DYSF: variants seen among roughly 807,000 people sequenced by gnomAD.
The protein encoded by DYSF is dystrophy-associated fer-1-like 1.
In DYSF, 212 loss-of-function variants were observed where a neutral mutation model predicts 274.9. The ratio of observed to expected loss-of-function variants is 0.77; its 90% CI spans 0.69 to 0.86. The LOEUF is 0.86. DYSF is among the 40% of genes least tolerant of loss of function. The probability of loss-of-function intolerance (pLI) is 0.00; values close to 1 mark genes in which losing one functional copy is unlikely to be tolerated. For synonymous variants in DYSF, 1,091 were observed against 1,078.7 expected (o/e 1.01, Z -0.22); for missense variants, 2,666 against 2,783.2 (o/e 0.96, Z 0.95).
In DYSF at chr2:71,685,216, A is replaced by G. The variant is rs551119867; in HGVS notation, c.6322-1238A>G. Among the ~76,000 whole-genome samples, 11 of 152,314 alleles carry G rather than the reference A, an allele frequency of 7.2e-5. No homozygotes were observed. In the South Asian group the frequency reaches 1.4e-3, roughly 20 times the overall value. On this transcript the variant is annotated intron_variant, in intron 55 of 55. Transcript: ENST00000410020. The stretch of plus-strand genomic sequence containing the variant: ...GAGTGGTACTGTGGGGGGCCTGGTC[A>G]GAGCTCCTCCCTGTCTCCTGTCCCC...
intron 41 of DYSF, among the ~76,000 whole-genome samples, chr2:71,635,488 C>G (rs2094385010): frequency 1.3e-5 from 2 of 152,154 alleles, no homozygotes; most frequent in Non-Finnish European, 2.9e-5. Flanking sequence ...TGGCTCACGC[C>G]TGCAATCCCA....
chr2:71,496,219 G>C (rs146280568), intron 3 of DYSF, among the ~76,000 whole-genome samples: 1 of 152,236 alleles, frequency 6.6e-6, no homozygotes, highest in African/African-American at 2.4e-5. Context: ...AAGGCTGGGC[G>C]TGGTGGCTTA....
chr2:71,577,750 C>T (rs1458022168), intron 30 of DYSF, among the ~76,000 whole-genome samples: 1 of 152,172 alleles, frequency 6.6e-6, no homozygotes, highest in Non-Finnish European at 1.5e-5. Context: ...ATGGTTTGGG[C>T]TCCCGCTGCT....
At chr2:71,534,769 C>T (rs972171938) in intron 14 of DYSF, among the ~76,000 whole-genome samples, 1 of 152,100 alleles carries the variant, frequency 6.6e-6, no homozygotes, top group Non-Finnish European at 1.5e-5. Flanking sequence ...GGTAGAAGGG[C>T]TGTGGCATTC....
In DYSF at chr2:71,612,656, G is replaced by A; in HGVS notation, c.4237G>A (p.Glu1413Lys). The change falls in exon 39 of 56, where the codon GAG becomes AAG. Residue 1413 changes from glutamate to lysine, a missense_variant. Physicochemically the swap from Glu to Lys is moderately conservative, Grantham distance 56. This residue lies in a region of DYSF where 1,460 missense variants were observed against 1,502.1 expected (regional missense o/e 0.97). Transcript: ENST00000410020. ...LFMEVMLPRE[E>K]LYCPPITVKV... ...CTCCACCCAGATGCTGCCCAGGGAG[G>A]AGCTCTACTGCCCCCCCATCACCGT... The A allele has an allele frequency of 6.2e-7, 1 of 1,614,094 alleles. No homozygotes were observed. The highest frequency in any genetic ancestry group is 1.7e-5 in the Admixed American group (1 of 60,016).
chr2:71,574,107 C>T, intron 29 of DYSF, 91 bp from the exon 30 acceptor site: 9 of 1,517,610 alleles, frequency 5.9e-6, no homozygotes, highest in East Asian at 4.5e-5. Flanking sequence ...GGGGAGTTGT[C>T]ATGGAAGACA....
chr2:71,480,798 C>T, intron 1 of DYSF, 85 bp from the exon 2 acceptor site: 5 of 1,271,112 alleles, frequency 3.9e-6, no homozygotes, highest in Non-Finnish European at 5.7e-6. Flanking sequence ...CAAGCTGAAG[C>T]ACAGGTCTCA....
At chr2:71,498,575 C>T (rs897821958) in intron 3 of DYSF, among the ~76,000 whole-genome samples, 5 of 152,320 alleles carry the variant, frequency 3.3e-5, no homozygotes, top group Admixed American at 2.6e-4. Context: ...AATCCCGTGG[C>T]CTCTGGCTGC....
intron 32 of DYSF, among the ~76,000 whole-genome samples, chr2:71,592,123 C>CG (rs746771922): frequency 6.6e-6 from 1 of 152,118 alleles, no homozygotes; most frequent in Non-Finnish European, 1.5e-5. Flanking sequence ...GTGCCGGGAG[C>CG]GGGTTTGTGA....
At chr2:71,553,555 CT>C (rs1378105282) in intron 20 of DYSF, among the ~76,000 whole-genome samples, 1 of 152,214 alleles carries the variant, frequency 6.6e-6, no homozygotes, top group Non-Finnish European at 1.5e-5. Flanking sequence ...CTGCAGCTGT[CT>C]GCTCAACTCA....
intron 32 of DYSF, among the ~76,000 whole-genome samples, chr2:71,598,168 A>C (rs1379032346): frequency 6.6e-6 from 1 of 151,174 alleles, no homozygotes. Flanking sequence ...AGCCCCTAGC[A>C]CCTAGCACCT....
At chr2:71,493,357 C>T (rs745515172) in intron 3 of DYSF, among the ~76,000 whole-genome samples, 2 of 152,140 alleles carry the variant, frequency 1.3e-5, no homozygotes, top group African/African-American at 2.4e-5. Flanking sequence ...TAATCTGGAA[C>T]GTTTCCTTAG....
At chr2:71,598,875 A>G (rs573791831) in intron 33 of DYSF, 130 bp downstream of exon 33, 1 of 1,078,120 alleles carries the variant, frequency 9.3e-7, no homozygotes, top group Admixed American at 2.1e-5. Context: ...AGAACAATTA[A>G]AATAATTTTA....
chr2:71,560,698 G>A (rs979674699), intron 22 of DYSF, among the ~76,000 whole-genome samples: 2 of 152,220 alleles, frequency 1.3e-5, no homozygotes, highest in Non-Finnish European at 2.9e-5. Flanking sequence ...GCGCTCCGGC[G>A]GTAATTGGTT....
In DYSF at chr2:71,643,856, GC is replaced by G. The variant is rs1222647443; in HGVS notation, c.4528-107del. 3 of 824,654 alleles carry G rather than the reference GC, an allele frequency of 3.6e-6. No individual in the cohort carries two copies. In the African/African-American group the frequency reaches 5.1e-5, roughly 14 times the overall value. The allele number at this position is 824,654 out of a possible 1,614,324, so 51.1% of individuals were successfully genotyped here. A position where few individuals can be genotyped will look rare whatever the true frequency, so the allele number is the denominator to read the frequency against. ...GCTCCCCCACATCACCCTTAGGAAA[GC>G]CTTGTGGTCCAGAGCGGCCTAGCAG... On this transcript the variant is annotated intron_variant, in intron 41 of 55. Coordinates refer to ENST00000410020, the MANE Select transcript of DYSF (RefSeq NM_001130987.2).
intron 3 of DYSF, among the ~76,000 whole-genome samples, chr2:71,487,690 G>A (rs1205659837): frequency 6.6e-6 from 1 of 152,156 alleles, no homozygotes; most frequent in Non-Finnish European, 1.5e-5. Context: ...TGTGTTTTTA[G>A]TAGAGACAGG....
chr2:71,530,396 C>T (rs1038816332), intron 14 of DYSF, among the ~76,000 whole-genome samples: 1 of 152,198 alleles, frequency 6.6e-6, no homozygotes, highest in East Asian at 1.9e-4. Context: ...CTCCGGGGCT[C>T]CGGGCTGCTC....
intron 41 of DYSF, among the ~76,000 whole-genome samples, chr2:71,641,339 C>T (rs541960104): frequency 3.4e-4 from 51 of 151,694 alleles, no homozygotes; most frequent in African/African-American, 1.1e-3. Context: ...CCACCACGCC[C>T]GGCTAATTTT....
In DYSF at chr2:71,513,740, A is replaced by T. The variant is rs1470854394; in HGVS notation, c.578A>T (p.Glu193Val). 6.2e-7 allele frequency: 1 copy of T among 1,614,018 alleles called. No homozygotes were observed. Among genetic ancestry groups the T allele is most frequent in the African/African-American group, 1.3e-5 (1 of 74,942 alleles). Residue 193 changes from glutamate to valine, a missense_variant, in exon 7 of 56, where the codon GAG (glutamate) becomes GTG (valine). Physicochemically the swap from Glu to Val is moderately radical, Grantham distance 121 (BLOSUM62 -2). This residue lies in a region of DYSF where 794 missense variants were observed against 777.1 expected (regional missense o/e 1.02). Coordinates refer to ENST00000410020, the MANE Select transcript of DYSF (RefSeq NM_001130987.2). ...GACACAGGAGGAGAGGAAGACACAG[A>T]GGACCAGGGACTCACTGGAGATGAG... ...PTDTGGEEDTEDQGLTGDEAE... is the reference protein window; with the variant it reads ...PTDTGGEEDTVDQGLTGDEAE...
Sources: allele counts gnomAD v4.1 joint callset (sites outside exome capture counted in the v4.1 genomes callset), GRCh38; gene constraint gnomAD v4.1.1; regional missense constraint gnomAD v4.1.1; transcripts MANE v1.5; gene names NCBI Gene and HGNC (gene_info 2026-07-23, HGNC 2026-07-21).